COL1A2: variants seen among roughly 807,000 people sequenced by gnomAD.
COL1A2 encodes collagen alpha-2(I) chain.
COL1A2 carries 49 observed loss-of-function variants against 174.3 expected under a neutral mutation model. That is an observed-to-expected ratio of 0.28 (90% CI 0.22 to 0.36). The LOEUF (loss-of-function observed/expected upper bound fraction) is 0.36. COL1A2 is among the 10% of genes least tolerant of loss of function. The pLI is 1.00. For missense variants in COL1A2, 1,438 were observed against 1,822.7 expected (o/e 0.79, Z 3.84); for synonymous variants, 655 against 606.6 (o/e 1.08, Z -1.17).
chr7:94,399,043 C>T lies in COL1A2; in HGVS notation c.97-6C>T. ...TATTATTGTCCTGTTTGTATCTTTC[C>T]TGTAGGGCCCAGCCGGAGATAGAGG... On this transcript the variant is annotated splice_polypyrimidine_tract_variant and splice_region_variant and intron_variant, in intron 3 of 51. Transcript: ENST00000297268. 6.2e-7 allele frequency: 1 copy of T among 1,613,422 alleles called. No homozygotes were observed. Among genetic ancestry groups the T allele is most frequent in the Non-Finnish European group, 8.5e-7 (1 of 1,179,518 alleles).
rs11374490 is a variant in COL1A2 at position 94,429,098 on chromosome 7, C to CT, written c.3712-81dup. 0.38 allele frequency: 345,516 copies of CT among 918,188 alleles called. 73,625 individuals are homozygous for CT. Among genetic ancestry groups the CT allele is most frequent in the African/African-American group, 0.8 (42,616 of 53,316 alleles). The allele number at this position is 918,188 out of a possible 1,614,324, so 56.9% of individuals were successfully genotyped here. A position where few individuals can be genotyped will look rare whatever the true frequency, so the allele number is the denominator to read the frequency against. On this transcript the variant is annotated intron_variant, in intron 50 of 51. Transcript: ENST00000297268. ...GATCTGAGTCTACTCTTCCTGAGAT[C>CT]TTTTTTTTTCTTTTTTTTTTTTTTC...
intron 37 of COL1A2, 38 bp from the exon 38 acceptor site, chr7:94,420,971 T>G: frequency 6.3e-7 from 1 of 1,598,108 alleles, no homozygotes. Flanking sequence ...TACAAGGGTT[T>G]GTTTGTGATT....
rs1210097307 is a variant in COL1A2 at position 94,430,298 on chromosome 7, C to T, written c.4006C>T (p.Pro1336Ser). ...AATCATTGAATACAAAACAAATAAG[C>T]CATCACGCCTGCCCTTCCTTGATAT... is the stretch of plus-strand genomic sequence containing the variant. ...KTIIEYKTNK[P>S]SRLPFLDIAP... Residue 1336 changes from proline (P) to serine (S), a missense_variant, in exon 52 of 52, where the codon CCA becomes TCA. Around this residue, in one of 3 missense-constraint regions of COL1A2, gnomAD observed 290 missense variants for 298.1 expected, o/e 0.97. Transcript: ENST00000297268. 1 of 1,613,964 alleles carries T rather than the reference C, an allele frequency of 6.2e-7. No individual in the cohort carries two copies.
intron 39 of COL1A2, 69 bp from the exon 40 acceptor site, chr7:94,422,888 T>A: frequency 6.4e-7 from 1 of 1,568,514 alleles, no homozygotes; most frequent in Non-Finnish European, 8.8e-7. Flanking sequence ...AGATCTAGAA[T>A]CTTTGCTGCT....
intron 19 of COL1A2, 25 bp from the exon 20 acceptor site, chr7:94,410,217 A>G: frequency 6.2e-7 from 1 of 1,612,428 alleles, no homozygotes; most frequent in Non-Finnish European, 8.5e-7. Context: ...TTGTCCTTTG[A>G]CCACTGTTCT....
At chr7:94,424,213 T>C in intron 40 of COL1A2, 123 bp from the exon 41 acceptor site, 9 of 771,694 alleles carry the variant, frequency 1.2e-5, no homozygotes, top group South Asian at 1.2e-4. Flanking sequence ...GGATATGTCC[T>C]AGTAATAGGA....
chr7:94,425,891 A>G (rs1227180630), intron 44 of COL1A2, 34 bp downstream of exon 44: 1 of 1,604,866 alleles, frequency 6.2e-7, no homozygotes, highest in East Asian at 2.2e-5. Context: ...TCAGTGCAGC[A>G]TTCTCGTGGG....
At chr7:94,429,661 T>G in intron 51 of COL1A2, 1 of 502,290 alleles carries the variant, frequency 2.0e-6, no homozygotes, top group Non-Finnish European at 3.5e-6. Context: ...TCTTATCAGA[T>G]AGTGCCTTCT....
chr7:94,426,587 A>G, intron 46 of COL1A2, 57 bp downstream of exon 46: 1 of 1,307,342 alleles, frequency 7.6e-7, no homozygotes, highest in Non-Finnish European at 1.1e-6. Context: ...TTCAGCTCAG[A>G]AGGATTTTCA....
At chr7:94,405,070 G>A in intron 9 of COL1A2, 129 bp from the exon 10 acceptor site, 3 of 1,129,084 alleles carry the variant, frequency 2.7e-6, no homozygotes, top group Non-Finnish European at 3.9e-6. Flanking sequence ...TTAAGGGAAA[G>A]ATTAAATATA....
chr7:94,424,076 A>G (rs1792224995), intron 40 of COL1A2: 3 of 448,874 alleles, frequency 6.7e-6, no homozygotes. Flanking sequence ...CACCACCCCA[A>G]GTGTCTTTAT....
intron 33 of COL1A2, 47 bp downstream of exon 33, chr7:94,418,599 T>C (rs759617434): frequency 1.1e-5 from 17 of 1,544,406 alleles, no homozygotes; most frequent in Non-Finnish European, 1.3e-5. Context: ...GGATTTTTTT[T>C]TTATGTTTGA....
At chr7:94,418,449 T>A (rs1421506944) in intron 32 of COL1A2, 50 bp from the exon 33 acceptor site, 1 of 1,535,516 alleles carries the variant, frequency 6.5e-7, no homozygotes, top group Non-Finnish European at 9.0e-7. Context: ...TAATTTCGAT[T>A]CAAAATTTTG....
intron 32 of COL1A2, 136 bp downstream of exon 32, chr7:94,417,967 C>T: frequency 1.4e-6 from 1 of 735,044 alleles, no homozygotes; most frequent in Non-Finnish European, 2.4e-6. Flanking sequence ...TTCCCTCTGC[C>T]ACCTAGCACC....
chr7:94,412,511 G>A (rs1198097257), intron 24 of COL1A2, 73 bp from the exon 25 acceptor site: 6 of 1,132,404 alleles, frequency 5.3e-6, no homozygotes, highest in Admixed American at 3.8e-5. Flanking sequence ...TGTTTCATCC[G>A]TGGCAGCATC....
intron 29 of COL1A2, 86 bp from the exon 30 acceptor site, chr7:94,415,139 TC>T (rs1562903290): frequency 1.6e-6 from 2 of 1,273,726 alleles, no homozygotes; most frequent in African/African-American, 2.9e-5. Context: ...TTTATTTCAC[TC>T]TTTCCAAATT....
rs758655982 is a variant in COL1A2 at position 94,415,282 on chromosome 7, T to A, written c.1764+12T>A. 12 of 1,612,392 alleles carry A rather than the reference T, an allele frequency of 7.4e-6. No individual in the cohort carries two copies. The South Asian group carries it at 1.3e-4, about 18-fold the overall frequency. ...CTGCTGGTCCAAGAGTAAGTGTTAC[T>A]TCATTAACTTTCATAAACTCTGGCA... On this transcript the variant is annotated intron_variant, in intron 30 of 51. Transcript: ENST00000297268.
intron 38 of COL1A2, among the ~76,000 whole-genome samples, 191 bp from the exon 39 acceptor site, chr7:94,421,708 A>G (rs1792167654): frequency 6.8e-6 from 1 of 147,572 alleles, no homozygotes; most frequent in Admixed American, 6.8e-5. Flanking sequence ...TATGCTGGTA[A>G]GGAAGATGTG....
chr7:94,412,036 C>A (rs765881856), intron 23 of COL1A2, 32 bp from the exon 24 acceptor site: 1 of 1,580,028 alleles, frequency 6.3e-7, no homozygotes, highest in Non-Finnish European at 8.7e-7. Flanking sequence ...AGTTAAAGTG[C>A]CAATATAAAA....
Sources: gnomAD v4.1 joint callset for allele counts (sites outside exome capture counted in the v4.1 genomes callset) on GRCh38, gnomAD v4.1.1 for gene constraint, gnomAD v4.1.1 regional missense constraint, MANE v1.5 for transcripts, NCBI Gene and HGNC (gene_info 2026-07-23, HGNC 2026-07-21) for gene names.